The following LOC128092252 variants were observed in gnomAD, a reference collection of about 807,000 sequenced individuals.
At chr15:50,684,589 C>T in the LOC128092252 span, among the ~76,000 whole-genome samples, 4 of 151,482 alleles carry the variant, frequency 2.6e-5, no homozygotes, top group African/African-American at 7.3e-5. Flanking sequence ...TGCAGTCAGC[C>T]GAGATCGCTA....
At chr15:50,663,824 A>G in the LOC128092252 span, among the ~76,000 whole-genome samples, 8 of 152,122 alleles carry the variant, frequency 5.3e-5, no homozygotes, top group Non-Finnish European at 1.2e-4. Flanking sequence ...TTAGCCAGGT[A>G]TGGTGATGTG....
At chr15:50,664,268 C>T in the LOC128092252 span, among the ~76,000 whole-genome samples, 3 of 146,828 alleles carry the variant, frequency 2.0e-5, no homozygotes, top group Non-Finnish European at 4.5e-5. Flanking sequence ...CGAGATCGCG[C>T]CACTGCACTC....
the LOC128092252 span, among the ~76,000 whole-genome samples, chr15:50,680,092 G>A: frequency 0.02 from 2,985 of 151,932 alleles, 115 homozygotes; most frequent in African/African-American, 0.069. Flanking sequence ...ATATTAGCTG[G>A]GCATGGTGGC....
At chr15:50,679,539 T>TATATTATATATATA in the LOC128092252 span, among the ~76,000 whole-genome samples, 2 of 22,306 alleles carry the variant, frequency 9.0e-5, no homozygotes, top group Non-Finnish European at 1.6e-4. Context: ...TATATATATA[T>TATATTATATATATA]TTTTTTTTTT....
chr15:50,673,752 T>C, the LOC128092252 span, among the ~76,000 whole-genome samples: 1 of 152,160 alleles, frequency 6.6e-6, no homozygotes, highest in African/African-American at 2.4e-5. Flanking sequence ...TACGCAAGTA[T>C]CTTTTTCTTA....
chr15:50,657,686 G>GT, the LOC128092252 span: 3 of 1,102,406 alleles, frequency 2.7e-6, no homozygotes, highest in Non-Finnish European at 4.0e-6. Flanking sequence ...ATAATAGCAT[G>GT]TGAGTTTCAT....
At chr15:50,659,311 G>A in the LOC128092252 span, among the ~76,000 whole-genome samples, 1,135 of 152,152 alleles carry the variant, frequency 7.5e-3, 9 homozygotes, top group Admixed American at 0.011. Context: ...GACATACAAA[G>A]ACTATATCTA....
chr15:50,657,870 AT>A, the LOC128092252 span: 1 of 1,466,582 alleles, frequency 6.8e-7, no homozygotes, highest in Non-Finnish European at 9.4e-7. Context: ...AAACTTTCTG[AT>A]TTTAAAGTAT....
chr15:50,668,358 G>A, the LOC128092252 span, among the ~76,000 whole-genome samples: 1 of 152,128 alleles, frequency 6.6e-6, no homozygotes, highest in Admixed American at 6.5e-5. Context: ...TTGTTTTGCA[G>A]TCAAGGATTT....
At chr15:50,677,363 T>TATG in the LOC128092252 span, among the ~76,000 whole-genome samples, 3 of 152,036 alleles carry the variant, frequency 2.0e-5, no homozygotes, top group South Asian at 6.2e-4. Flanking sequence ...GGCTTCAAGA[T>TATG]ATGAATTCTC....
the LOC128092252 span, among the ~76,000 whole-genome samples, chr15:50,664,430 A>C: frequency 6.6e-6 from 1 of 152,174 alleles, no homozygotes; most frequent in African/African-American, 2.4e-5. Flanking sequence ...GAATAAAAAG[A>C]CATAAAGCAA....
At chr15:50,651,060 G>A in the LOC128092252 span, among the ~76,000 whole-genome samples, 5 of 152,018 alleles carry the variant, frequency 3.3e-5, no homozygotes, top group East Asian at 1.9e-4. Flanking sequence ...GGTGATGCAC[G>A]CCTGTAGTCC....
chr15:50,671,639 T>C, the LOC128092252 span, among the ~76,000 whole-genome samples: 1 of 99,522 alleles, frequency 1.0e-5, no homozygotes, highest in Admixed American at 1.1e-4. Flanking sequence ...TGAGATCCTG[T>C]CGCTACAAAA....
At chr15:50,678,958 C>T in the LOC128092252 span, among the ~76,000 whole-genome samples, 1 of 152,194 alleles carries the variant, frequency 6.6e-6, no homozygotes, top group South Asian at 2.1e-4. Context: ...ACTGCAACCT[C>T]CACCTCCTGG....
At chr15:50,660,423 C>T in the LOC128092252 span, among the ~76,000 whole-genome samples, 1 of 151,924 alleles carries the variant, frequency 6.6e-6, no homozygotes, top group Non-Finnish European at 1.5e-5. Context: ...GAGGCTGAGG[C>T]GGGCAGATTA....
chr15:50,666,846 T>C, the LOC128092252 span, among the ~76,000 whole-genome samples: 1 of 152,090 alleles, frequency 6.6e-6, no homozygotes, highest in Admixed American at 6.6e-5. Flanking sequence ...CAAGTAATAG[T>C]AAGACTGAAA....
At chr15:50,667,898 G>C in the LOC128092252 span, among the ~76,000 whole-genome samples, 1 of 152,236 alleles carries the variant, frequency 6.6e-6, no homozygotes, top group East Asian at 1.9e-4. Context: ...TCTTTGGGTT[G>C]CATTTGTATA....
the LOC128092252 span, among the ~76,000 whole-genome samples, chr15:50,683,041 C>T: frequency 6.6e-6 from 1 of 151,878 alleles, no homozygotes; most frequent in African/African-American, 2.4e-5. Context: ...CATCACCATG[C>T]CCAGCTAATG....
the LOC128092252 span, among the ~76,000 whole-genome samples, chr15:50,669,432 C>G: frequency 6.6e-6 from 1 of 151,548 alleles, no homozygotes; most frequent in Non-Finnish European, 1.5e-5. Context: ...GAGACTCTGT[C>G]TCAAAAAGAA....
Sources: allele counts gnomAD v4.1 joint callset (sites outside exome capture counted in the v4.1 genomes callset), GRCh38; gene constraint gnomAD v4.1.1; transcripts MANE v1.5.